EMC3: variants seen among roughly 807,000 people sequenced by gnomAD.
EMC3 encodes the protein ER membrane protein complex subunit 3.
In EMC3, 13 loss-of-function variants were observed where a neutral mutation model predicts 36.6. The observed-to-expected ratio is 0.35, with a 90% confidence interval of 0.23 to 0.56. EMC3 has a LOEUF of 0.56. Among genes scored for constraint, EMC3 ranks in the 20% least tolerant of loss-of-function variants. The pLI, the probability that EMC3 is intolerant of heterozygous loss-of-function variation, is 0.84. For missense variants in EMC3, 220 were observed against 324.5 expected (o/e 0.68, Z 2.47); for synonymous variants, 120 against 111.9 (o/e 1.07, Z -0.46).
chr3:9,973,779 A>T, intron 4 of EMC3, 70 bp from the exon 5 acceptor site: 3 of 1,423,124 alleles, frequency 2.1e-6, no homozygotes, highest in Non-Finnish European at 3.0e-6. Flanking sequence ...ACTCTTTCTC[A>T]GAGGAGGTGG....
chr3:9,986,254 A>G (rs1322111465), intron 1 of EMC3, among the ~76,000 whole-genome samples: 1 of 152,136 alleles, frequency 6.6e-6, no homozygotes. Context: ...GTTTTTTTCA[A>G]CACTCAATAC....
intron 5 of EMC3, among the ~76,000 whole-genome samples, chr3:9,972,966 C>T (rs1183967835): frequency 2.0e-5 from 3 of 147,754 alleles, no homozygotes; most frequent in Admixed American, 6.8e-5. Flanking sequence ...GTAGCTGGGA[C>T]TACAGGCACC....
intron 1 of EMC3, among the ~76,000 whole-genome samples, chr3:9,979,920 G>A (rs973291362): frequency 1.1e-4 from 16 of 151,986 alleles, no homozygotes; most frequent in African/African-American, 3.9e-4. Context: ...AAGGCCACAT[G>A]ACTGGAAAAA....
chr3:10,006,714 T>C, intron 1 of EMC3: 2 of 236,128 alleles, frequency 8.5e-6, no homozygotes, highest in South Asian at 8.0e-5. Flanking sequence ...TTTTGACATG[T>C]AGTGCACAGC....
At chr3:9,994,781 A>C (rs1377696075) in intron 1 of EMC3, among the ~76,000 whole-genome samples, 1 of 152,080 alleles carries the variant, frequency 6.6e-6, no homozygotes, top group African/African-American at 2.4e-5. Context: ...CATGTTGGCC[A>C]TCCTGGTCTC....
intron 1 of EMC3, among the ~76,000 whole-genome samples, chr3:9,991,857 A>C (rs183104600): frequency 2.8e-4 from 42 of 152,320 alleles, no homozygotes; most frequent in African/African-American, 1.0e-3. Flanking sequence ...GAAACTGTTC[A>C]ACTTTAGATC....
upstream of EMC3, among the ~76,000 whole-genome samples, chr3:9,990,748 A>T (rs1281379325): frequency 6.6e-6 from 1 of 151,806 alleles, no homozygotes; most frequent in Non-Finnish European, 1.5e-5. Flanking sequence ...GACTCAGGTG[A>T]TCCACCCACC....
intron 1 of EMC3, chr3:9,978,186 A>AAAAAAT (rs2085870800): frequency 7.7e-6 from 1 of 129,502 alleles, no homozygotes; most frequent in Admixed American, 8.6e-5. Flanking sequence ...AAAAAAAAAA[A>AAAAAAT]TTAGCCAGGC....
At chr3:9,985,857 G>A (rs1332377097) in intron 1 of EMC3, among the ~76,000 whole-genome samples, 1 of 152,118 alleles carries the variant, frequency 6.6e-6, no homozygotes, top group African/African-American at 2.4e-5. Context: ...TGACGCCACC[G>A]CACTCCAGCC....
intron 1 of EMC3, among the ~76,000 whole-genome samples, chr3:9,985,007 G>C (rs1249284489): frequency 2.6e-5 from 4 of 152,294 alleles, no homozygotes; most frequent in Non-Finnish European, 5.9e-5. Flanking sequence ...ACCTGATATA[G>C]AGTAAATGGT....
At chr3:9,988,178 C>G (rs905731756), upstream of EMC3, among the ~76,000 whole-genome samples, 4 of 152,066 alleles carry the variant, frequency 2.6e-5, no homozygotes, top group African/African-American at 9.7e-5. Context: ...ATGTATGTGG[C>G]TATGTATGTG....
chr3:9,973,815 A>G, intron 4 of EMC3, 106 bp from the exon 5 acceptor site: 1 of 1,008,244 alleles, frequency 9.9e-7, no homozygotes, highest in South Asian at 1.4e-5. Context: ...TAGCTTTTGG[A>G]AAACGACTTC....
intron 1 of EMC3, among the ~76,000 whole-genome samples, chr3:9,997,419 T>C (rs990776610): frequency 3.9e-5 from 6 of 152,072 alleles, no homozygotes; most frequent in African/African-American, 1.4e-4. Flanking sequence ...AGAACTTCAT[T>C]CCCTACTACA....
chr3:9,996,967 A>C (rs576202084), intron 1 of EMC3, among the ~76,000 whole-genome samples: 1 of 152,216 alleles, frequency 6.6e-6, no homozygotes, highest in African/African-American at 2.4e-5. Flanking sequence ...ACTGTTTTTA[A>C]GGGTACATTT....
rs1447471279 is a variant in EMC3 at position 9,976,967 on chromosome 3, A to G, written c.297T>C (p.Ser99=). The G allele has an allele frequency of 3.1e-6, 5 of 1,610,064 alleles. No homozygotes were observed. The highest frequency in any genetic ancestry group is 4.2e-6 in the Non-Finnish European group (5 of 1,177,848). ...AGGGAACAAACATACCAGTCATAGGAGAAGGTGGCACTACCTTCCGTTTAG... is the reference window on the plus strand; with the variant it reads ...AGGGAACAAACATACCAGTCATAGGGGAAGGTGGCACTACCTTCCGTTTAG... ...KKTKRKVVPP[S]PMTDPTMLTD... The change falls in exon 3 of 8, where the codon TCT becomes TCC. Residue 99 remains serine, a synonymous_variant. Coordinates refer to ENST00000245046, the MANE Select transcript of EMC3 (RefSeq NM_001394674.1).
chr3:10,007,540 A>G lies in EMC3; in HGVS notation c.-242+3483T>C, dbSNP rs1461487070. The G allele has an allele frequency of 7.3e-6, 10 of 1,367,388 alleles. No homozygotes were observed. In the African/African-American group the frequency reaches 1.5e-4, roughly 20 times the overall value. 84.7% of individuals were successfully genotyped at this position (1,367,388 alleles called of 1,614,324 possible). A position where few individuals can be genotyped will look rare whatever the true frequency, so the allele number is the denominator to read the frequency against. On this transcript the variant is annotated intron_variant, in intron 1 of 8. Transcript: ENST00000470827. Reference sequence around the variant, plus strand: ...ACAGTGGCATGAAGCGCTCCCCCTCAGAGGCCTGACGTAGGAGTGCTTCTG... The same window carrying G: ...ACAGTGGCATGAAGCGCTCCCCCTCGGAGGCCTGACGTAGGAGTGCTTCTG...
intron 1 of EMC3, among the ~76,000 whole-genome samples, chr3:9,979,649 G>C (rs1409800944): frequency 6.6e-6 from 1 of 152,158 alleles, no homozygotes; most frequent in Non-Finnish European, 1.5e-5. Flanking sequence ...TCTAGTGAGG[G>C]GGAAAGACAT....
chr3:9,976,066 C>T (rs985239477), intron 3 of EMC3, among the ~76,000 whole-genome samples: 1 of 152,038 alleles, frequency 6.6e-6, no homozygotes, highest in African/African-American at 2.4e-5. Flanking sequence ...TGAGAGGAGT[C>T]AACACAGAAC....
At chr3:9,974,344 T>C in intron 4 of EMC3, 40 bp downstream of exon 4, 1 of 1,397,282 alleles carries the variant, frequency 7.2e-7, no homozygotes, top group Admixed American at 1.7e-5. Context: ...GCACTTGAAT[T>C]TCTCTGGGTA....
Sources: gnomAD v4.1 joint callset for allele counts (sites outside exome capture counted in the v4.1 genomes callset) on GRCh38, gnomAD v4.1.1 for gene constraint, MANE v1.5 for transcripts, NCBI Gene and HGNC (gene_info 2026-07-23, HGNC 2026-07-21) for gene names.